The following CSMD1 variants were observed in gnomAD, a reference collection of about 807,000 sequenced individuals.
The protein encoded by CSMD1 is CUB and Sushi multiple domains 1, also known as CUB and sushi domain-containing protein 1.
Under a neutral mutation model 417.5 loss-of-function variants are expected in CSMD1, and 213 were observed. That is an observed-to-expected ratio of 0.51 (90% CI 0.46 to 0.57). CSMD1 has a LOEUF of 0.57. CSMD1 is among the 20% of genes least tolerant of loss of function. CSMD1 has a pLI of 0.00. For synonymous variants in CSMD1, 2,862 were observed against 1,736.8 expected (o/e 1.65, Z -16.11); for missense variants, 6,923 against 4,529.7 (o/e 1.53, Z -15.17).
chr8:4,405,971 T>C (rs1438030041), intron 3 of CSMD1, among the ~76,000 whole-genome samples: 1 of 152,218 alleles, frequency 6.6e-6, no homozygotes, highest in African/African-American at 2.4e-5. Flanking sequence ...TGCTCGCCTG[T>C]CCTGTAACAG....
chr8:3,918,939 G>A (rs1211667472), intron 5 of CSMD1, among the ~76,000 whole-genome samples: 2 of 63,964 alleles, frequency 3.1e-5, no homozygotes, highest in African/African-American at 8.7e-5. Flanking sequence ...TGGGCTGCTC[G>A]GGTGATGGGT....
chr8:4,142,416 G>C (rs1803845352), intron 3 of CSMD1, among the ~76,000 whole-genome samples: 1 of 150,936 alleles, frequency 6.6e-6, no homozygotes, highest in Non-Finnish European at 1.5e-5. Flanking sequence ...CAATATTTCT[G>C]CCTGCTACCA....
chr8:3,823,536 T>G (rs1032833331), intron 5 of CSMD1, among the ~76,000 whole-genome samples: 1 of 152,168 alleles, frequency 6.6e-6, no homozygotes, highest in Non-Finnish European at 1.5e-5. Context: ...AAAAATAAAG[T>G]ATAACTTAAT....
chr8:4,041,985 C>G (rs1469480898), intron 3 of CSMD1, among the ~76,000 whole-genome samples: 1 of 151,908 alleles, frequency 6.6e-6, no homozygotes, highest in Non-Finnish European at 1.5e-5. Flanking sequence ...AGAAAGATTT[C>G]CAAGCAAAAA....
At chr8:4,364,260 G>A (rs960634057) in intron 3 of CSMD1, among the ~76,000 whole-genome samples, 1 of 152,208 alleles carries the variant, frequency 6.6e-6, no homozygotes, top group Non-Finnish European at 1.5e-5. Flanking sequence ...TCTCAAAGGG[G>A]CAGAAAGGAT....
At chr8:4,386,012 C>CT (rs143575697) in intron 3 of CSMD1, among the ~76,000 whole-genome samples, 13,394 of 152,118 alleles carry the variant, frequency 0.088, 779 homozygotes, top group South Asian at 0.2. Context: ...TTAACTTTCC[C>CT]TTTTTTTATC....
intron 48 of CSMD1, among the ~76,000 whole-genome samples, chr8:3,091,146 T>G (rs986382910): frequency 2.6e-5 from 4 of 152,026 alleles, no homozygotes; most frequent in African/African-American, 7.2e-5. Flanking sequence ...AGTAAGAGAT[T>G]ATCATCACTT....
intron 1 of CSMD1, among the ~76,000 whole-genome samples, chr8:4,789,417 T>C (rs1259595090): frequency 6.6e-6 from 1 of 152,200 alleles, no homozygotes; most frequent in African/African-American, 2.4e-5. Context: ...TCGTATCTAA[T>C]ATTGATAGTA....
chr8:3,614,332 T>C (rs550731469), intron 8 of CSMD1, among the ~76,000 whole-genome samples: 98 of 152,174 alleles, frequency 6.4e-4, no homozygotes, highest in Non-Finnish European at 7.4e-5. Context: ...CTGCACAACC[T>C]AGATTCTCCC....
At chr8:4,591,821 A>G (rs1368462178) in intron 2 of CSMD1, among the ~76,000 whole-genome samples, 1 of 152,190 alleles carries the variant, frequency 6.6e-6, no homozygotes, top group African/African-American at 2.4e-5. Flanking sequence ...CTACAGAAAG[A>G]CCGTCTAGGG....
intron 3 of CSMD1, among the ~76,000 whole-genome samples, chr8:4,071,345 C>T (rs1001801238): frequency 2.6e-5 from 4 of 152,062 alleles, no homozygotes; most frequent in African/African-American, 7.2e-5. Flanking sequence ...TCATCAAGCT[C>T]CCTAACTCTT....
chr8:3,143,965 A>T (rs1233612722), intron 40 of CSMD1, among the ~76,000 whole-genome samples: 3 of 152,178 alleles, frequency 2.0e-5, no homozygotes, highest in Non-Finnish European at 4.4e-5. Context: ...AAACACCTAA[A>T]ATCTCTCAAC....
intron 2 of CSMD1, among the ~76,000 whole-genome samples, chr8:4,459,610 G>A (rs1236682797): frequency 6.6e-6 from 1 of 152,162 alleles, no homozygotes; most frequent in Non-Finnish European, 1.5e-5. Flanking sequence ...AGACAGAGAA[G>A]AAGATCGCAT....
chr8:2,973,065 A>T, intron 57 of CSMD1, 52 bp downstream of exon 57: 1 of 1,553,480 alleles, frequency 6.4e-7, no homozygotes, highest in South Asian at 1.2e-5. Context: ...TTTTAGAACG[A>T]GCTGTGTGGT....
intron 5 of CSMD1, among the ~76,000 whole-genome samples, chr8:3,981,503 A>AAAAAAAAAAAAAAAAAAAAAAAC: frequency 2.7e-5 from 1 of 36,884 alleles, no homozygotes; most frequent in African/African-American, 1.0e-4. Context: ...AAAAAAGTAA[A>AAAAAAAAAAAAAAAAAAAAAAAC]AAAAAAAAAA....
intron 10 of CSMD1, among the ~76,000 whole-genome samples, chr8:3,523,362 C>G (rs533151104): frequency 1.3e-5 from 2 of 152,152 alleles, no homozygotes; most frequent in Admixed American, 6.5e-5. Flanking sequence ...TCTGAGATTA[C>G]GTGAGATGGA....
intron 7 of CSMD1, among the ~76,000 whole-genome samples, chr8:3,690,672 G>A (rs1800189105): frequency 6.6e-6 from 1 of 152,148 alleles, no homozygotes; most frequent in Non-Finnish European, 1.5e-5. Flanking sequence ...GCTGTGTGGA[G>A]TTGTAGGAAG....
intron 1 of CSMD1, among the ~76,000 whole-genome samples, chr8:4,744,437 G>C (rs1468827909): frequency 6.6e-6 from 1 of 151,988 alleles, no homozygotes. Flanking sequence ...CCCAATCCTG[G>C]GTCTGCGGCA....
intron 3 of CSMD1, among the ~76,000 whole-genome samples, chr8:4,279,557 T>C (rs1165511544): frequency 6.6e-6 from 1 of 152,164 alleles, no homozygotes; most frequent in Admixed American, 6.6e-5. Flanking sequence ...TATCCTCTAA[T>C]ACACTGATTC....
Sources: allele counts gnomAD v4.1 joint callset (sites outside exome capture counted in the v4.1 genomes callset), GRCh38; gene constraint gnomAD v4.1.1; transcripts MANE v1.5; gene names NCBI Gene and HGNC (gene_info 2026-07-23, HGNC 2026-07-21).